The following PYGB variants were observed in gnomAD, a reference collection of about 807,000 sequenced individuals.
PYGB encodes glycogen phosphorylase B, also known as glycogen phosphorylase, brain form.
A neutral mutation model predicts 94.3 loss-of-function variants in PYGB; 82 were observed. The ratio of observed to expected loss-of-function variants is 0.87; its 90% confidence interval spans 0.73 to 1.04. The LOEUF is 1.04. Ranked by LOEUF, PYGB falls within the 50% of genes least tolerant of loss-of-function variation. PYGB has a pLI of 0.00. For missense variants in PYGB, 1,132 were observed against 1,158.2 expected (o/e 0.98, Z 0.33); for synonymous variants, 488 against 479.1 (o/e 1.02, Z -0.24).
In PYGB at chr20:25,296,724, TA is replaced by T; in HGVS notation, c.*205del. The stretch of plus-strand genomic sequence containing the variant: ...TGCTAGAAGTGCTCCTAGTTTCTTG[TA>T]AAGGAAGCCAGAGTTGACAGTACAA... On this transcript the variant is annotated 3_prime_UTR_variant, in exon 20 of 20. Coordinates refer to ENST00000216962, the MANE Select transcript of PYGB (RefSeq NM_002862.4). 1.4e-6 allele frequency: 1 copy of T among 697,946 alleles called. No homozygotes were observed. The highest frequency in any genetic ancestry group is 2.3e-6 in the Non-Finnish European group (1 of 437,698). 43.2% of individuals were successfully genotyped at this position (697,946 alleles called of 1,614,324 possible).
At chr20:25,258,539 A>G (rs2092907072) in intron 1 of PYGB, among the ~76,000 whole-genome samples, 1 of 152,230 alleles carries the variant, frequency 6.6e-6, no homozygotes, top group Non-Finnish European at 1.5e-5. Context: ...TGGCCGCTGC[A>G]GGCCCGTGGA....
intron 1 of PYGB, among the ~76,000 whole-genome samples, chr20:25,249,923 C>A (rs1031171395): frequency 6.6e-6 from 1 of 151,592 alleles, no homozygotes; most frequent in Non-Finnish European, 1.5e-5. Flanking sequence ...GATCTCGGCT[C>A]AGTGCAACCT....
chr20:25,260,024 G>A (rs1333187753), intron 2 of PYGB, among the ~76,000 whole-genome samples: 1 of 152,200 alleles, frequency 6.6e-6, no homozygotes, highest in Non-Finnish European at 1.5e-5. Context: ...TTGGATGTGT[G>A]TGGGAGGAGT....
chr20:25,284,444 GAGC>G (rs2088399847), intron 14 of PYGB, among the ~76,000 whole-genome samples, 193 bp downstream of exon 14: 1 of 152,216 alleles, frequency 6.6e-6, no homozygotes, highest in African/African-American at 2.4e-5. Flanking sequence ...GGCCTCACGT[GAGC>G]AGGTGAACAG....
intron 19 of PYGB, 146 bp from the exon 20 acceptor site, chr20:25,296,224 A>G: frequency 1.0e-6 from 1 of 990,576 alleles, no homozygotes; most frequent in Non-Finnish European, 1.5e-6. Context: ...TTCAACGAAC[A>G]AGTGATTGTA....
intron 9 of PYGB, among the ~76,000 whole-genome samples, chr20:25,279,903 CCAT>C (rs1302928216): frequency 6.6e-6 from 1 of 152,206 alleles, no homozygotes; most frequent in Non-Finnish European, 1.5e-5. Flanking sequence ...GTCCTCCCCA[CCAT>C]GTCTGGCCAC....
In PYGB at chr20:25,292,421, A is replaced by T. The variant is rs1489241612; in HGVS notation, c.1985A>T (p.Asp662Val). The T allele has an allele frequency of 3.1e-6, 5 of 1,612,992 alleles. No homozygotes were observed. Among genetic ancestry groups the T allele is most frequent in the Non-Finnish European group, 4.2e-6 (5 of 1,179,960 alleles). ...CCCTCCACAGTGATCCCGGCCGCTGATCTGTCGCAGCAGATCTCCACTGCA... is the reference window on the plus strand; with the variant it reads ...CCCTCCACAGTGATCCCGGCCGCTGTTCTGTCGCAGCAGATCTCCACTGCA... ...SLAEKVIPAA[D>V]LSQQISTAGT... The change falls in exon 17 of 20, where the codon GAT becomes GTT. Residue 662 changes from aspartate (D) to valine (V), a missense_variant. Coordinates refer to ENST00000216962, the MANE Select transcript of PYGB (RefSeq NM_002862.4).
chr20:25,273,850 TTAA>T (rs1568690063), intron 4 of PYGB, among the ~76,000 whole-genome samples: 1 of 152,172 alleles, frequency 6.6e-6, no homozygotes, highest in East Asian at 1.9e-4. Context: ...TAATTTTAAT[TTAA>T]TAATTTTTTT....
At chr20:25,267,617 A>G (rs1600726808) in intron 2 of PYGB, among the ~76,000 whole-genome samples, 1 of 151,940 alleles carries the variant, frequency 6.6e-6, no homozygotes. Flanking sequence ...TGTAGCCTCA[A>G]CCTCCCGGGC....
In PYGB at chr20:25,277,233, T is replaced by C. The variant is rs1205905010; in HGVS notation, c.773-11T>C. 1.3e-6 allele frequency: 2 copies of C among 1,546,428 alleles called. No individual in the cohort carries two copies. Among genetic ancestry groups the C allele is most frequent in the East Asian group, 2.2e-5 (1 of 44,530 alleles). Reference sequence around the variant, plus strand: ...GCATGTGTGTGTTGACCCCGCTCCATTTCTTCTTAGTCAACGTGGGAGACT... The same window carrying C: ...GCATGTGTGTGTTGACCCCGCTCCACTTCTTCTTAGTCAACGTGGGAGACT... On this transcript the variant is annotated splice_polypyrimidine_tract_variant and intron_variant, in intron 6 of 19. Coordinates refer to ENST00000216962, the MANE Select transcript of PYGB (RefSeq NM_002862.4).
At position 25,276,764 on chromosome 20, in the gene PYGB, T is replaced by C; in HGVS notation, c.772+7T>C. ...GACTTCAAGCTGCAGGACTGTACGTTCCGTGGTTCTTGGCACCCTTGTGTC... is the reference window on the plus strand; with the variant it reads ...GACTTCAAGCTGCAGGACTGTACGTCCCGTGGTTCTTGGCACCCTTGTGTC... On this transcript the variant is annotated splice_region_variant and intron_variant, in intron 6 of 19. Coordinates refer to ENST00000216962, the MANE Select transcript of PYGB (RefSeq NM_002862.4). 2.5e-6 allele frequency: 4 copies of C among 1,612,130 alleles called. No individual in the cohort carries two copies. The highest frequency in any genetic ancestry group is 3.4e-6 in the Non-Finnish European group (4 of 1,178,458).
chr20:25,278,276 A>ACTGGGTC, intron 7 of PYGB, 43 bp from the exon 8 acceptor site: 1 of 433,934 alleles, frequency 2.3e-6, no homozygotes, highest in African/African-American at 1.3e-4. Context: ...GGGGGAGGAG[A>ACTGGGTC]ATGGCCCAGC....
In PYGB at chr20:25,297,424, T is replaced by G. The variant is rs1370208743; in HGVS notation, c.*902T>G. Reference sequence around the variant, plus strand: ...AGGGGGCAGGTCTGTGCCCTCCCGCTGACTCCTGCTGTGTCCTGAGGTGCA... The same window carrying G: ...AGGGGGCAGGTCTGTGCCCTCCCGCGGACTCCTGCTGTGTCCTGAGGTGCA... On this transcript the variant is annotated 3_prime_UTR_variant, in exon 20 of 20. Transcript: ENST00000216962. 6.6e-6 allele frequency: 1 copy of G among 152,556 alleles called. No individual in the cohort carries two copies. Among genetic ancestry groups the G allele is most frequent in the Non-Finnish European group, 1.5e-5 (1 of 68,058 alleles). 9.5% of individuals were successfully genotyped at this position (152,556 alleles called of 1,614,324 possible). A position where few individuals can be genotyped will look rare whatever the true frequency, so the allele number is the denominator to read the frequency against.
At chr20:25,256,221 G>A (rs2092902271) in intron 1 of PYGB, among the ~76,000 whole-genome samples, 1 of 152,210 alleles carries the variant, frequency 6.6e-6, no homozygotes, top group African/African-American at 2.4e-5. Context: ...GGCTCTGCCA[G>A]TTGGTGTTAC....
rs1175085603 is a variant in PYGB at position 25,274,687 on chromosome 20, G to A, written c.624G>A (p.Glu208=). ...MLPVHFYGRV[E]HTPDGVKWLD... ...CCGTGCACTTCTACGGACGCGTGGA[G>A]CACACCCCCGACGGCGTGAAGTGGC... The change falls in exon 5 of 20, where the codon GAG becomes GAA. Residue 208 remains glutamate, a synonymous_variant. Transcript: ENST00000216962. 6.2e-7 allele frequency: 1 copy of A among 1,613,566 alleles called. No individual in the cohort carries two copies. The highest frequency in any genetic ancestry group is 8.5e-7 in the Non-Finnish European group (1 of 1,180,008).
rs199907983 is a variant in PYGB, at chr20:25,278,395, G to T, written c.932G>T (p.Arg311Leu). 1 of 1,614,212 alleles carries T rather than the reference G, an allele frequency of 6.2e-7. No homozygotes were observed. Among genetic ancestry groups the T allele is most frequent in the South Asian group, 1.1e-5 (1 of 91,086 alleles). The change falls in exon 8 of 20, where the codon CGC becomes CTC. Residue 311 changes from arginine to leucine, a missense_variant. By Grantham distance (102) the Arg-to-Leu change is moderately radical. Transcript: ENST00000216962. The stretch of plus-strand genomic sequence containing the variant: ...GCCACGCTCCAGGACATCATCCGCC[G>T]CTTCAAGTCGTCCAAGTTCGGCTGC... ...VAATLQDIIRRFKSSKFGCRD... is the reference protein window; with the variant it reads ...VAATLQDIIRLFKSSKFGCRD...
In PYGB at chr20:25,292,609, A is replaced by T; in HGVS notation, c.2173A>T (p.Lys725Ter). ...RVEDVEALDR[K>*]GYNAREYYDH... The stretch of plus-strand genomic sequence containing the variant: ...GGAGGATGTCGAGGCCTTGGACCGG[A>T]AAGGGTGCGAGCCTGTGCCCCTGGG... Residue 725 changes from lysine (K) to a stop codon, truncating the protein, a stop_gained, in exon 17 of 20, where the codon AAA becomes TAA. Transcript: ENST00000216962. LOFTEE classifies it high-confidence loss of function. 6.2e-7 allele frequency: 1 copy of T among 1,610,986 alleles called. No homozygotes were observed.
chr20:25,268,126 G>T (rs1470555121), intron 2 of PYGB, among the ~76,000 whole-genome samples: 2 of 145,788 alleles, frequency 1.4e-5, no homozygotes, highest in Non-Finnish European at 3.0e-5. Flanking sequence ...TTAACTTTGA[G>T]CCAGTAATGC....
Position 25,261,312 on chromosome 20 carries a change from T to G in PYGB, c.345+1974T>G, listed in dbSNP as rs1163294922. On this transcript the variant is annotated intron_variant, in intron 2 of 19. Transcript: ENST00000216962. Reference sequence around the variant, plus strand: ...AGAGGAACGATCAGGCAGCAACGTTTGCTGTTCTGCAGTATTCACTGTTCT... The same window carrying G: ...AGAGGAACGATCAGGCAGCAACGTTGGCTGTTCTGCAGTATTCACTGTTCT... 4.6e-5 allele frequency among the ~76,000 whole-genome samples: 7 copies of G among 152,348 alleles called. No individual in the cohort carries two copies. The East Asian group carries it at 1.4e-3, about 29-fold the overall frequency.
Sources: allele counts gnomAD v4.1 joint callset (sites outside exome capture counted in the v4.1 genomes callset), GRCh38; gene constraint gnomAD v4.1.1; transcripts MANE v1.5; gene names NCBI Gene and HGNC (gene_info 2026-07-23, HGNC 2026-07-21).